Variants in EMC1 observed in about 807,000 individuals in gnomAD.
EMC1 encodes the protein KIAA0090.
Under a neutral mutation model 128.8 loss-of-function variants are expected in EMC1, and 103 were observed. That is an observed-to-expected ratio of 0.80 (90% CI 0.68 to 0.94). The LOEUF (loss-of-function observed/expected upper bound fraction) is 0.94. EMC1 is among the 40% of genes least tolerant of loss of function. The pLI, the probability that EMC1 is intolerant of heterozygous loss-of-function variation, is 0.00. For synonymous variants in EMC1, 442 were observed against 490.4 expected (o/e 0.90, Z 1.30); for missense variants, 1,083 against 1,250.6 (o/e 0.87, Z 2.02).
At chr1:19,233,166 A>C in intron 13 of EMC1, 31 bp from the exon 14 acceptor site, 1 of 1,582,590 alleles carries the variant, frequency 6.3e-7, no homozygotes, top group South Asian at 1.1e-5. Context: ...CATACTCTAC[A>C]TCAGACTAGG....
chr1:19,221,823 T>A (rs142511356), intron 20 of EMC1: 1 of 152,382 alleles, frequency 6.6e-6, no homozygotes, highest in Non-Finnish European at 1.5e-5. Context: ...TCCCAACACT[T>A]TGGGAGGCCA....
In EMC1 at chr1:19,232,223, G is replaced by A. The variant is rs114416464; in HGVS notation, c.1782+401C>T. Among the ~76,000 whole-genome samples the A allele has an allele frequency of 5.7e-3, 865 of 152,304 alleles. 8 individuals carry two copies. The highest frequency in any genetic ancestry group is 0.019 in the African/African-American group (773 of 41,576). ...GCTGCAGTGAGCCGAGATCGCACCA[G>A]GCAGCCGTTCCAGGAAAGTGTCTAC... On this transcript the variant is annotated intron_variant, in intron 15 of 22. Coordinates refer to ENST00000477853, the MANE Select transcript of EMC1 (RefSeq NM_015047.3).
Position 19,219,433 on chromosome 1 carries a change from T to A in EMC1, c.2852A>T (p.Lys951Met). 6.2e-7 allele frequency: 1 copy of A among 1,613,868 alleles called. No homozygotes were observed. Among genetic ancestry groups the A allele is most frequent in the Non-Finnish European group, 8.5e-7 (1 of 1,179,958 alleles). Residue 951 changes from lysine (K) to methionine (M), a missense_variant, in exon 23 of 23, where the codon AAG (lysine) becomes ATG (methionine). By Grantham distance (95) the Lys-to-Met change is moderately conservative. This residue lies in a region of EMC1 where 527 missense variants were observed against 644.1 expected (regional missense o/e 0.82). Transcript: ENST00000477853. Reference sequence around the variant, plus strand: ...GTCATCCTTCAGAACGTCAAACTGCTTGGATGGGTAGACTCGAGTTTGGTA... The same window carrying A: ...GTCATCCTTCAGAACGTCAAACTGCATGGATGGGTAGACTCGAGTTTGGTA... Reference protein sequence around the residue: ...DIYQTRVYPSKQFDVLKDDYD... With the variant: ...DIYQTRVYPSMQFDVLKDDYD...
In EMC1 at chr1:19,223,488, T is replaced by A. The variant is rs35788281; in HGVS notation, c.2284A>T (p.Ile762Phe). The part of the protein sequence containing the change: ...HERTFIGIFL[I>F]DGVTGRIIHS... ...ATGATACGCCCAGTGACGCCATCAA[T>A]GAGGAAGATGCCAATAAAGGTGCGC... The change falls in exon 19 of 23, where the codon ATT (isoleucine) becomes TTT (phenylalanine). Residue 762 changes from isoleucine (I) to phenylalanine (F), a missense_variant. Coordinates refer to ENST00000477853, the MANE Select transcript of EMC1 (RefSeq NM_015047.3). The A allele has an allele frequency of 1.2e-4, 189 of 1,613,942 alleles. 3 individuals are homozygous for A. The South Asian group carries it at 2.0e-3, about 17-fold the overall frequency.
intron 5 of EMC1, 90 bp downstream of exon 5, chr1:19,242,255 T>G: frequency 6.9e-7 from 1 of 1,445,760 alleles, no homozygotes. Context: ...AGGCCTGGGT[T>G]AAAGCAAATG....
At chr1:19,220,288 CTCAT>C (rs1483266008) in intron 21 of EMC1, 1 of 158,400 alleles carries the variant, frequency 6.3e-6, no homozygotes, top group Non-Finnish European at 1.4e-5. Context: ...CCTCAGTGAT[CTCAT>C]TTCCTAGCGT....
chr1:19,233,646 T>C (rs1235383733), intron 13 of EMC1, among the ~76,000 whole-genome samples: 3 of 152,080 alleles, frequency 2.0e-5, no homozygotes, highest in Non-Finnish European at 2.9e-5. Context: ...CCCAGGACCA[T>C]CATTCACTCT....
chr1:19,237,667 T>A (rs2093575988), intron 11 of EMC1, among the ~76,000 whole-genome samples: 1 of 152,178 alleles, frequency 6.6e-6, no homozygotes, highest in South Asian at 2.1e-4. Context: ...TGAACCGCAG[T>A]GACACCTCTT....
chr1:19,232,519 T>C (rs1240446557), intron 15 of EMC1, 105 bp downstream of exon 15: 2 of 1,281,486 alleles, frequency 1.6e-6, no homozygotes, highest in Middle Eastern at 2.7e-4. Flanking sequence ...CCCCTGAATG[T>C]TCCTCATTAA....
At chr1:19,245,230 G>T (rs560140470) in intron 1 of EMC1, among the ~76,000 whole-genome samples, 200 bp from the exon 2 acceptor site, 1 of 152,264 alleles carries the variant, frequency 6.6e-6, no homozygotes, top group Non-Finnish European at 1.5e-5. Context: ...CTGAGGTCAG[G>T]AGTTCGAGAC....
intron 18 of EMC1, among the ~76,000 whole-genome samples, chr1:19,224,732 T>G (rs932503975): frequency 2.0e-5 from 3 of 152,166 alleles, no homozygotes; most frequent in Admixed American, 6.5e-5. Flanking sequence ...TGCTGAAAAC[T>G]TCCCAGTGGC....
chr1:19,237,888 T>G (rs2093577738), intron 11 of EMC1, 129 bp downstream of exon 11: 2 of 1,215,812 alleles, frequency 1.6e-6, no homozygotes, highest in Non-Finnish European at 2.2e-6. Context: ...AGTCAGTGGC[T>G]CAGAGAGCAC....
chr1:19,225,660 G>GA (rs2093467152), intron 18 of EMC1, among the ~76,000 whole-genome samples: 1 of 151,480 alleles, frequency 6.6e-6, no homozygotes, highest in South Asian at 2.1e-4. Flanking sequence ...AAAAAGAAAA[G>GA]AAAGAAAAGA....
chr1:19,228,752 A>AG (rs1571991143), intron 17 of EMC1, among the ~76,000 whole-genome samples: 1 of 151,918 alleles, frequency 6.6e-6, no homozygotes, highest in Non-Finnish European at 1.5e-5. Flanking sequence ...CATGTGAATG[A>AG]GAAAAAAAAA....
At chr1:19,246,502 A>C (rs1451471922) in intron 1 of EMC1, among the ~76,000 whole-genome samples, 1 of 151,782 alleles carries the variant, frequency 6.6e-6, no homozygotes, top group Non-Finnish European at 1.5e-5. Flanking sequence ...AAAAATCTCC[A>C]CCAGGCACGG....
intron 10 of EMC1, 136 bp downstream of exon 10, chr1:19,238,659 A>T: frequency 1.5e-6 from 1 of 647,824 alleles, no homozygotes; most frequent in African/African-American, 1.8e-5. Flanking sequence ...AACATCATTT[A>T]ATTTACAGTA....
rs778457223 is a variant in EMC1 at position 19,219,490 on chromosome 1, G to A, written c.2803-8C>T. On this transcript the variant is annotated splice_polypyrimidine_tract_variant and splice_region_variant and intron_variant, in intron 22 of 22. Transcript: ENST00000477853. ...CAAACCATAGGCCACAACCTGGAAG[G>A]CAGATGGAATAAGAATTAGGAAAGA... 1.9e-6 allele frequency: 3 copies of A among 1,613,892 alleles called. No homozygotes were observed. Among genetic ancestry groups the A allele is most frequent in the South Asian group, 2.2e-5 (2 of 91,082 alleles).
In EMC1 at chr1:19,238,126, C is replaced by T; in HGVS notation, c.1103G>A (p.Cys368Tyr). 1 of 1,613,920 alleles carries T rather than the reference C, an allele frequency of 6.2e-7. No individual in the cohort carries two copies. The highest frequency in any genetic ancestry group is 8.5e-7 in the Non-Finnish European group (1 of 1,179,940). The change falls in exon 11 of 23, where the codon TGC becomes TAC. Residue 368 changes from cysteine (C) to tyrosine (Y), a missense_variant. Cys to Tyr is a radical substitution (Grantham distance 194, BLOSUM62 -2). Transcript: ENST00000477853. ...EKSSSKDSLA[C>Y]FNQTYTINLY... The stretch of plus-strand genomic sequence containing the variant: ...GTTAATGGTGTAGGTCTGATTGAAG[C>T]AAGCCAGAGAGTCCTAGGAGTACAG...
rs1296589338 is a variant in EMC1, at chr1:19,241,072, AG to A, written c.579del (p.Phe194SerfsTer4). 11 of 1,614,034 alleles carry A rather than the reference AG, an allele frequency of 6.8e-6. No homozygotes were observed. Among genetic ancestry groups the A allele is most frequent in the Admixed American group, 1.7e-5 (1 of 59,986 alleles). On this transcript the variant is annotated frameshift_variant, in exon 6 of 23. Coordinates refer to ENST00000477853, the MANE Select transcript of EMC1 (RefSeq NM_015047.3). LOFTEE classifies it high-confidence loss of function. ...SGVVWALGVV[P>X]FSHVNIVKFN... ...AACTTGACAATGTTCACATGGCTGA[AG>A]GGAACAACTCCGAGGGCCCACACCA...
Sources: gnomAD v4.1 joint callset for allele counts (sites outside exome capture counted in the v4.1 genomes callset) on GRCh38, gnomAD v4.1.1 for gene constraint, gnomAD v4.1.1 regional missense constraint, MANE v1.5 for transcripts, NCBI Gene and HGNC (gene_info 2026-07-23, HGNC 2026-07-21) for gene names.